MOK: variants seen among roughly 807,000 people sequenced by gnomAD.
The protein encoded by MOK is MOK protein kinase, also known as MAPK/MAK/MRK overlapping kinase.
In MOK, 59 loss-of-function variants were observed where a neutral mutation model predicts 54.2. That is an observed-to-expected ratio of 1.09 (90% CI 0.88 to 1.35). The LOEUF (loss-of-function observed/expected upper bound fraction) is 1.35, where lower values mean the gene tolerates loss of function less well. Among genes scored for constraint, MOK ranks in the 40% most tolerant of loss-of-function variants. MOK has a pLI of 0.00. For synonymous variants in MOK, 210 were observed against 202.7 expected (o/e 1.04, Z -0.31); for missense variants, 517 against 526.2 (o/e 0.98, Z 0.17).
rs774409224 is a variant in MOK, at chr14:102,249,295, G to A, written c.590+1517C>T. On this transcript the variant is annotated intron_variant, in intron 7 of 11. Transcript: ENST00000361847. This position sits in a 1 kb window ranked among gnomAD's most constrained non-coding sequence, Gnocchi z 5.3. ...ATAACCCCACAGTGAGCCTCCCATCGGCCAAGGGGAGTTTTGCTGACAAAT... is the reference window on the plus strand; with the variant it reads ...ATAACCCCACAGTGAGCCTCCCATCAGCCAAGGGGAGTTTTGCTGACAAAT... 1.3e-5 allele frequency among the ~76,000 whole-genome samples: 2 copies of A among 152,172 alleles called. No individual in the cohort carries two copies. The highest frequency in any genetic ancestry group is 2.4e-5 in the African/African-American group (1 of 41,420).
At chr14:102,275,241 C>T (rs1281949148) in intron 2 of MOK, among the ~76,000 whole-genome samples, 1 of 152,050 alleles carries the variant, frequency 6.6e-6, no homozygotes, top group African/African-American at 2.4e-5. Flanking sequence ...GATGCTTGAT[C>T]CCTACCGCTC....
chr14:102,294,586 G>A (rs2071230098), intron 1 of MOK, among the ~76,000 whole-genome samples: 1 of 151,906 alleles, frequency 6.6e-6, no homozygotes, highest in African/African-American at 2.4e-5. Context: ...CTGTACTCCA[G>A]CCTGAGTGAC....
intron 1 of MOK, among the ~76,000 whole-genome samples, chr14:102,284,436 C>T (rs771078537): frequency 7.9e-5 from 12 of 151,854 alleles, no homozygotes; most frequent in South Asian, 2.1e-4. Context: ...TGATGGAGTA[C>T]GCTAATTACT....
chr14:102,229,285 TCA>T lies in MOK; in HGVS notation c.*2_*3del, dbSNP rs772670652. 46 of 1,595,130 alleles carry T rather than the reference TCA, an allele frequency of 2.9e-5. No homozygotes were observed. In the Middle Eastern group the frequency reaches 5.8e-4, roughly 20 times the overall value. ...TCCGAAGTCGAGACGACGGTGCTGCTCAGTTATCTTCCGCCTTTCCGCACTAT... is the reference window on the plus strand; with the variant it reads ...TCCGAAGTCGAGACGACGGTGCTGCTGTTATCTTCCGCCTTTCCGCACTAT... On this transcript the variant is annotated 3_prime_UTR_variant, in exon 12 of 12. Transcript: ENST00000361847.
chr14:102,253,269 G>A (rs553244411), intron 4 of MOK, among the ~76,000 whole-genome samples: 8 of 152,174 alleles, frequency 5.3e-5, no homozygotes, highest in Non-Finnish European at 1.0e-4. Context: ...GGATGAAATC[G>A]GGGCAATTAG....
chr14:102,293,125 T>G (rs1597603199), intron 1 of MOK, among the ~76,000 whole-genome samples: 1 of 151,946 alleles, frequency 6.6e-6, no homozygotes, highest in East Asian at 1.9e-4. Flanking sequence ...AGAGCTAGAT[T>G]CCATCTCAAA....
Position 102,231,962 on chromosome 14 carries a change from C to CTT in MOK, c.867-143_867-142dup. ...TTCTGCCTGAGCTGTAATCAGGAGC[C>CTT]TTTTTTTTTCTTTTCTGTCTCAGCC... is the stretch of plus-strand genomic sequence containing the variant. On this transcript the variant is annotated intron_variant, in intron 9 of 11. Coordinates refer to ENST00000361847, the MANE Select transcript of MOK (RefSeq NM_014226.3). This position sits in a 1 kb window ranked among gnomAD's most constrained non-coding sequence, Gnocchi z 4.4. 1 of 590,882 alleles carries CTT rather than the reference C, an allele frequency of 1.7e-6. No individual in the cohort carries two copies. Among genetic ancestry groups the CTT allele is most frequent in the Non-Finnish European group, 2.9e-6 (1 of 349,660 alleles). 36.6% of individuals were successfully genotyped at this position (590,882 alleles called of 1,614,324 possible). A position where few individuals can be genotyped will look rare whatever the true frequency, so the allele number is the denominator to read the frequency against.
intron 1 of MOK, among the ~76,000 whole-genome samples, chr14:102,299,049 G>T (rs1233011770): frequency 6.6e-6 from 1 of 152,116 alleles, no homozygotes; most frequent in East Asian, 1.9e-4. Context: ...TTTAAGAACT[G>T]TAACACTCAC....
intron 2 of MOK, among the ~76,000 whole-genome samples, chr14:102,266,895 C>A (rs1437379176): frequency 1.3e-5 from 2 of 152,094 alleles, no homozygotes; most frequent in Non-Finnish European, 2.9e-5. Context: ...TTTTCCATTT[C>A]ATTCACTTGG....
intron 1 of MOK, among the ~76,000 whole-genome samples, chr14:102,296,888 T>C (rs2153191035): frequency 6.6e-6 from 1 of 151,836 alleles, no homozygotes; most frequent in Middle Eastern, 3.4e-3. Flanking sequence ...TGAAACCCTG[T>C]CTCTACTAAA....
chr14:102,224,125 T>C (rs1460734140), downstream of MOK, among the ~76,000 whole-genome samples: 3 of 147,364 alleles, frequency 2.0e-5, no homozygotes, highest in Non-Finnish European at 4.4e-5. Flanking sequence ...CACTGCAAGC[T>C]CCGCCTCCCG....
chr14:102,288,851 T>C (rs1042109714), intron 1 of MOK, among the ~76,000 whole-genome samples: 2 of 152,202 alleles, frequency 1.3e-5, no homozygotes, highest in Non-Finnish European at 2.9e-5. Context: ...GCAGGTTTCA[T>C]TGGCATGTTC....
chr14:102,254,872 T>A (rs1178824602), intron 4 of MOK, among the ~76,000 whole-genome samples: 2 of 152,176 alleles, frequency 1.3e-5, no homozygotes, highest in Non-Finnish European at 1.5e-5. Flanking sequence ...GTACCTATAT[T>A]CATGATGTTC....
intron 7 of MOK, among the ~76,000 whole-genome samples, chr14:102,239,420 A>G (rs4296188): frequency 0.026 from 3,876 of 149,478 alleles, 5 homozygotes; most frequent in Non-Finnish European, 0.04. Context: ...TTCCTCTTAC[A>G]AAACAGGCCT....
chr14:102,225,641 A>C (rs2064213163), downstream of MOK: 1 of 153,536 alleles, frequency 6.5e-6, no homozygotes, highest in African/African-American at 2.4e-5. Context: ...GCTGTCAGAT[A>C]CGCCCCAGTT....
At chr14:102,216,889 C>T in the MOK span, among the ~76,000 whole-genome samples, 4,060 of 150,692 alleles carry the variant, frequency 0.027, 70 homozygotes, top group Non-Finnish European at 0.044. Context: ...GTCGAGATGG[C>T]GCCACTGCAC....
chr14:102,229,748 T>C, intron 10 of MOK, 91 bp from the exon 11 acceptor site: 3 of 1,157,916 alleles, frequency 2.6e-6, no homozygotes, highest in East Asian at 2.4e-5. Flanking sequence ...GTACTGCTTT[T>C]GCCTAATACA....
chr14:102,304,455 T>C (rs898657307), intron 1 of MOK, among the ~76,000 whole-genome samples: 9 of 152,054 alleles, frequency 5.9e-5, no homozygotes, highest in African/African-American at 2.2e-4. Flanking sequence ...GTGGTTCCTA[T>C]AAAACACTAC....
rs1597357980 is a variant in MOK, at chr14:102,249,171, CAT to C, written c.590+1639_590+1640del. ...GTTTCCACTTTACCAATAGGTCCGACATGTGTTTTCTAAGAGGCAAAAGACAG... is the reference window on the plus strand; with the variant it reads ...GTTTCCACTTTACCAATAGGTCCGACGTGTTTTCTAAGAGGCAAAAGACAG... On this transcript the variant is annotated intron_variant, in intron 7 of 11. Transcript: ENST00000361847. The surrounding 1 kb of genome is among the most constrained non-coding windows in gnomAD (Gnocchi z 5.3). Among the ~76,000 whole-genome samples, 1 of 152,188 alleles carries C rather than the reference CAT, an allele frequency of 6.6e-6. No homozygotes were observed. The highest frequency in any genetic ancestry group is 1.5e-5 in the Non-Finnish European group (1 of 68,040).
Sources: gnomAD v4.1 joint callset for allele counts (sites outside exome capture counted in the v4.1 genomes callset) on GRCh38, gnomAD v4.1.1 for gene constraint, Gnocchi (gnomAD v3.1) non-coding constraint, MANE v1.5 for transcripts, NCBI Gene and HGNC (gene_info 2026-07-23, HGNC 2026-07-21) for gene names.